Variants in CYP7B1 observed in about 807,000 individuals in gnomAD.
CYP7B1 encodes cytochrome P450 family 7 subfamily B member 1.
In CYP7B1, 29 loss-of-function variants were observed where a neutral mutation model predicts 42.7. The observed-to-expected ratio is 0.68, with a 90% CI of 0.51 to 0.93. The LOEUF is 0.93. Among genes scored for constraint, CYP7B1 ranks in the 40% least tolerant of loss-of-function variants. CYP7B1 has a pLI of 0.00. For missense variants in CYP7B1, 655 were observed against 600.5 expected (o/e 1.09, Z -0.95); for synonymous variants, 235 against 218.2 (o/e 1.08, Z -0.68).
At chr8:64,635,135 C>T (rs1317053379) in intron 1 of CYP7B1, among the ~76,000 whole-genome samples, 1 of 152,182 alleles carries the variant, frequency 6.6e-6, no homozygotes, top group Non-Finnish European at 1.5e-5. Flanking sequence ...GGTCAATTTT[C>T]CCCTTGTTGA....
At chr8:64,774,344 G>A (rs375863928) in intron 1 of CYP7B1, among the ~76,000 whole-genome samples, 1 of 152,156 alleles carries the variant, frequency 6.6e-6, no homozygotes, top group South Asian at 2.1e-4. Flanking sequence ...ATAAATACTT[G>A]TTGACTTGAA....
At chr8:64,643,996 C>A (rs1467444164) in intron 1 of CYP7B1, among the ~76,000 whole-genome samples, 3 of 152,134 alleles carry the variant, frequency 2.0e-5, no homozygotes, top group Non-Finnish European at 4.4e-5. Context: ...GAATGGCGGC[C>A]AGGCGCGGTG....
intron 1 of CYP7B1, among the ~76,000 whole-genome samples, chr8:64,689,573 GTT>G (rs796437204): frequency 6.8e-6 from 1 of 146,804 alleles, no homozygotes; most frequent in African/African-American, 2.5e-5. Context: ...TTTGATTCCA[GTT>G]TTTTTTTTTG....
chr8:64,770,283 C>T (rs1227210783), intron 1 of CYP7B1, among the ~76,000 whole-genome samples: 1 of 152,040 alleles, frequency 6.6e-6, no homozygotes, highest in Non-Finnish European at 1.5e-5. Context: ...ATAGTTAAGC[C>T]ATAAAGTTTC....
intron 4 of CYP7B1, among the ~76,000 whole-genome samples, chr8:64,610,082 T>C (rs992144837): frequency 2.6e-5 from 4 of 152,184 alleles, no homozygotes; most frequent in African/African-American, 7.2e-5. Flanking sequence ...AGTCACATGT[T>C]TCTCATCCTA....
At chr8:64,705,804 AT>A (rs1369247158) in intron 1 of CYP7B1, among the ~76,000 whole-genome samples, 1 of 152,080 alleles carries the variant, frequency 6.6e-6, no homozygotes, top group East Asian at 1.9e-4. Flanking sequence ...AGTACAGGCC[AT>A]CTTTCTTTTC....
intron 1 of CYP7B1, among the ~76,000 whole-genome samples, chr8:64,776,407 A>C (rs1804327884): frequency 6.6e-6 from 1 of 152,180 alleles, no homozygotes; most frequent in Non-Finnish European, 1.5e-5. Flanking sequence ...CAAATAAAGA[A>C]CAACCAATTT....
intron 1 of CYP7B1, among the ~76,000 whole-genome samples, chr8:64,700,181 A>G (rs1806893226): frequency 6.6e-6 from 1 of 152,244 alleles, no homozygotes; most frequent in African/African-American, 2.4e-5. Flanking sequence ...AAGAGCAATC[A>G]AACATGAGCA....
intron 1 of CYP7B1, among the ~76,000 whole-genome samples, chr8:64,646,435 A>G (rs1805955741): frequency 6.6e-6 from 1 of 152,244 alleles, no homozygotes; most frequent in Non-Finnish European, 1.5e-5. Context: ...TGCAGCCAAA[A>G]AACACCACAT....
chr8:64,763,877 A>C (rs1807927889), intron 1 of CYP7B1, among the ~76,000 whole-genome samples: 1 of 152,190 alleles, frequency 6.6e-6, no homozygotes, highest in Non-Finnish European at 1.5e-5. Context: ...CCCGACCATG[A>C]CTTTCTTGAA....
chr8:64,722,803 T>C (rs1807266029), intron 1 of CYP7B1, among the ~76,000 whole-genome samples: 1 of 150,442 alleles, frequency 6.6e-6, no homozygotes, highest in South Asian at 2.1e-4. Flanking sequence ...ATCCTCTCAT[T>C]TGGTTTAGAA....
intron 1 of CYP7B1, among the ~76,000 whole-genome samples, chr8:64,652,079 A>C (rs902055048): frequency 1.3e-5 from 2 of 152,218 alleles, no homozygotes; most frequent in South Asian, 4.1e-4. Context: ...TTTTGAGATA[A>C]AGAAATCTAA....
intron 1 of CYP7B1, among the ~76,000 whole-genome samples, chr8:64,632,045 A>T (rs1805704683): frequency 6.6e-6 from 1 of 152,138 alleles, no homozygotes; most frequent in Non-Finnish European, 1.5e-5. Flanking sequence ...TTACCATATG[A>T]TCTAGTAATT....
intron 1 of CYP7B1, among the ~76,000 whole-genome samples, chr8:64,741,530 G>C (rs1196343676): frequency 6.6e-6 from 1 of 152,098 alleles, no homozygotes; most frequent in Non-Finnish European, 1.5e-5. Context: ...TGTTGGTCAG[G>C]CTGGTCTCGA....
intron 1 of CYP7B1, among the ~76,000 whole-genome samples, chr8:64,753,479 C>T (rs1807761065): frequency 6.6e-6 from 1 of 152,176 alleles, no homozygotes; most frequent in Admixed American, 6.5e-5. Flanking sequence ...GGACTAATGT[C>T]CAGTTTGAGG....
intron 1 of CYP7B1, among the ~76,000 whole-genome samples, chr8:64,759,229 G>A (rs540630930): frequency 5.8e-4 from 89 of 152,234 alleles, no homozygotes; most frequent in African/African-American, 1.7e-3. Flanking sequence ...GAAACATTAC[G>A]GCTGATGGCA....
chr8:64,778,695 T>G (rs1370266917), intron 1 of CYP7B1, among the ~76,000 whole-genome samples: 1 of 152,122 alleles, frequency 6.6e-6, no homozygotes, highest in Non-Finnish European at 1.5e-5. Context: ...GTTTTACTTT[T>G]GAAAACAAAT....
intron 4 of CYP7B1, among the ~76,000 whole-genome samples, chr8:64,614,166 G>A (rs1214685247): frequency 6.6e-6 from 1 of 152,096 alleles, no homozygotes; most frequent in Non-Finnish European, 1.5e-5. Context: ...AGTTCAGTCA[G>A]GGAATGGTAG....
At chr8:64,709,926 AT>A (rs1807056435) in intron 1 of CYP7B1, among the ~76,000 whole-genome samples, 1 of 152,050 alleles carries the variant, frequency 6.6e-6, no homozygotes, top group African/African-American at 2.4e-5. Context: ...TTTGAGAGCA[AT>A]TTTTTGTAGT....
Sources: gnomAD v4.1 joint callset for allele counts (sites outside exome capture counted in the v4.1 genomes callset) on GRCh38, gnomAD v4.1.1 for gene constraint, MANE v1.5 for transcripts, NCBI Gene and HGNC (gene_info 2026-07-23, HGNC 2026-07-21) for gene names.